PTX4: variants seen among roughly 807,000 people sequenced by gnomAD.
PTX4 encodes pentraxin-4.
In PTX4, 23 loss-of-function variants were observed where a neutral mutation model predicts 19.1. The ratio of observed to expected loss-of-function variants is 1.20; its 90% CI spans 0.87 to 1.70. The LOEUF is 1.70. PTX4 is among the 40% of genes most tolerant of loss of function. PTX4 has a pLI of 0.00. For missense variants in PTX4, 678 were observed against 610.5 expected (o/e 1.11, Z -1.17); for synonymous variants, 317 against 279.6 (o/e 1.13, Z -1.33).
intron 1 of PTX4, 122 bp from the exon 2 acceptor site, chr16:1,488,092 G>A: frequency 1.8e-6 from 2 of 1,114,192 alleles, no homozygotes; most frequent in Non-Finnish European, 2.6e-6. Context: ...GCCAGCACTG[G>A]CTATCTGCCC....
chr16:1,488,689 C>A, intron 1 of PTX4, 80 bp downstream of exon 1: 1 of 636,078 alleles, frequency 1.6e-6, no homozygotes. Flanking sequence ...TGATGTTTAC[C>A]AATCTGCTTC....
chr16:1,488,467 T>C (rs760037419), intron 1 of PTX4: 1 of 1,612,868 alleles, frequency 6.2e-7, no homozygotes, highest in South Asian at 1.1e-5. Context: ...CCACTCCCCA[T>C]GACACTACCC....
Position 1,486,356 on chromosome 16 carries a change from G to T in PTX4, c.1020C>A (p.Phe340Leu). Residue 340 changes from phenylalanine (F) to leucine (L), a missense_variant, in exon 3 of 3, where the codon TTC becomes TTA. By Grantham distance (22) the Phe-to-Leu change is conservative. Coordinates refer to ENST00000447419, the MANE Select transcript of PTX4 (RefSeq NM_001328608.2). Reference protein sequence around the residue: ...RDSLLPGSIHFVIGDPAFREL... With the variant: ...RDSLLPGSIHLVIGDPAFREL... ...CCCTGAAGGCCGGGTCCCCGATCAC[G>T]AAGTGGATGGATCCGGGCAGCAGGG... The T allele has an allele frequency of 1.2e-6, 2 of 1,613,940 alleles. No individual in the cohort carries two copies. The highest frequency in any genetic ancestry group is 1.7e-6 in the Non-Finnish European group (2 of 1,179,986).
In PTX4 at chr16:1,488,911, C is replaced by A; in HGVS notation, c.-2G>T. The stretch of plus-strand genomic sequence containing the variant: ...GGTCTTCCTCCACGAGCAACCCATC[C>A]GGAGAGACGGCAAGGCCCCAGCAGT... On this transcript the variant is annotated 5_prime_UTR_variant, in exon 1 of 3. Coordinates refer to ENST00000447419, the MANE Select transcript of PTX4 (RefSeq NM_001328608.2). The A allele has an allele frequency of 1.4e-6, 1 of 695,316 alleles. No homozygotes were observed. The highest frequency in any genetic ancestry group is 2.6e-6 in the Non-Finnish European group (1 of 379,192). 43.1% of individuals were successfully genotyped at this position (695,316 alleles called of 1,614,324 possible).
At chr16:1,487,218 C>T in intron 2 of PTX4, 98 bp downstream of exon 2, 6 of 1,239,168 alleles carry the variant, frequency 4.8e-6, no homozygotes, top group Non-Finnish European at 6.4e-6. Flanking sequence ...CTCCCGGCCC[C>T]TAACTGAACC....
chr16:1,488,089 C>A, intron 1 of PTX4, 119 bp from the exon 2 acceptor site: 1 of 1,128,028 alleles, frequency 8.9e-7, no homozygotes, highest in Non-Finnish European at 1.3e-6. Context: ...ACGGCCAGCA[C>A]TGGCTATCTG....
At chr16:1,487,053 C>T (rs1422110895) in intron 2 of PTX4, among the ~76,000 whole-genome samples, 1 of 152,190 alleles carries the variant, frequency 6.6e-6, no homozygotes, top group Non-Finnish European at 1.5e-5. Context: ...GAGGCGCCTG[C>T]ACCCTTCGGC....
chr16:1,486,800 G>A (rs902048639), intron 2 of PTX4, among the ~76,000 whole-genome samples: 5 of 152,194 alleles, frequency 3.3e-5, no homozygotes, highest in Non-Finnish European at 5.9e-5. Context: ...CATGAGGGCC[G>A]TACTCGGGAG....
At position 1,486,511 on chromosome 16, in the gene PTX4, C is replaced by T; in HGVS notation, c.865G>A (p.Gly289Ser). The T allele has an allele frequency of 6.2e-7, 1 of 1,602,834 alleles. No homozygotes were observed. Among genetic ancestry groups the T allele is most frequent in the Non-Finnish European group, 8.5e-7 (1 of 1,175,276 alleles). ...AGGGCTCGCAGGGCAGTGACGAAAC[C>T]AGGGCTGAGGAAGACCACGTTCCTG... ...STRNVVFLSP[G>S]FVTALRALSF... The change falls in exon 3 of 3, where the codon GGT becomes AGT. Residue 289 changes from glycine (G) to serine (S), a missense_variant. Transcript: ENST00000447419.
chr16:1,488,888 T>C lies in PTX4; in HGVS notation c.22A>G (p.Thr8Ala), dbSNP rs1567285168. Residue 8 changes from threonine to alanine, a missense_variant, in exon 1 of 3, where the codon ACC becomes GCC. By Grantham distance (58) the Thr-to-Ala change is moderately conservative (BLOSUM62 0). Coordinates refer to ENST00000447419, the MANE Select transcript of PTX4 (RefSeq NM_001328608.2). Reference protein sequence around the residue: MGCSWRKTLSFFLVFVPI... With the variant: MGCSWRKALSFFLVFVPI... ...ACAAAAACAAGGAAGAAAGACAAGG[T>C]CTTCCTCCACGAGCAACCCATCCGG... is the stretch of plus-strand genomic sequence containing the variant. The C allele has an allele frequency of 1.4e-6, 1 of 700,426 alleles. No homozygotes were observed. The highest frequency in any genetic ancestry group is 2.6e-6 in the Non-Finnish European group (1 of 382,994). The allele number at this position is 700,426 out of a possible 1,614,324, so 43.4% of individuals were successfully genotyped here. A position where few individuals can be genotyped will look rare whatever the true frequency, so the allele number is the denominator to read the frequency against.
rs967308053 is a variant in PTX4, at chr16:1,487,840, T to C, written c.272A>G (p.Asn91Ser). Residue 91 changes from asparagine to serine, a missense_variant, in exon 2 of 3, where the codon AAC (asparagine) becomes AGC (serine). Transcript: ENST00000447419. ...CCCCTGCACCGAGGCCTGTGACCGG[T>C]TGACTGCCTGAGCCACAGCCTGGCT... ...EESQAVAQAVNRSQASVQGEL... is the reference protein window; with the variant it reads ...EESQAVAQAVSRSQASVQGEL... 3.1e-6 allele frequency: 5 copies of C among 1,612,978 alleles called. No individual in the cohort carries two copies. Among genetic ancestry groups the C allele is most frequent in the Non-Finnish European group, 4.2e-6 (5 of 1,179,926 alleles).
chr16:1,487,624 C>A lies in PTX4; in HGVS notation c.488G>T (p.Ser163Ile). The A allele has an allele frequency of 6.3e-7, 1 of 1,576,188 alleles. No homozygotes were observed. Among genetic ancestry groups the A allele is most frequent in the South Asian group, 1.2e-5 (1 of 86,606 alleles). The change falls in exon 2 of 3, where the codon AGC becomes ATC. Residue 163 changes from serine to isoleucine, a missense_variant. Ser to Ile is a moderately radical substitution (Grantham distance 142). Transcript: ENST00000447419. ...SLARLEGLVH[S>I]QGARLAALEG... ...CAGAGCAGCCAGCCTGGCGCCCTGG[C>A]TGTGGACGAGGCCCTCCAGGCGTGC...
chr16:1,488,169 C>A (rs1173018514), intron 1 of PTX4, among the ~76,000 whole-genome samples, 199 bp from the exon 2 acceptor site: 3 of 152,230 alleles, frequency 2.0e-5, no homozygotes. Context: ...CCAGGCCATG[C>A]AGCTGCACCA....
chr16:1,488,362 C>T (rs1040499), intron 1 of PTX4: 2 of 1,613,452 alleles, frequency 1.2e-6, no homozygotes, highest in Admixed American at 3.3e-5. Flanking sequence ...CCCGACAGGC[C>T]CACAGCACTC....
chr16:1,487,531 G>T lies in PTX4; in HGVS notation c.581C>A (p.Thr194Asn). 6.6e-7 allele frequency: 1 copy of T among 1,517,062 alleles called. No individual in the cohort carries two copies. Among genetic ancestry groups the T allele is most frequent in the South Asian group, 1.3e-5 (1 of 75,868 alleles). 94.0% of individuals were successfully genotyped at this position (1,517,062 alleles called of 1,614,324 possible). ...GGTCGGGCCCAGCTCCTCAGGCTGG[G>T]TTGGGGTTGGGACCAGGGCCGGCCC... ...ALGPALVPTPTQPEELGPTSL... is the reference protein window; with the variant it reads ...ALGPALVPTPNQPEELGPTSL... Residue 194 changes from threonine (T) to asparagine (N), a missense_variant, in exon 2 of 3, where the codon ACC (threonine) becomes AAC (asparagine). Thr to Asn is a moderately conservative substitution (Grantham distance 65). Coordinates refer to ENST00000447419, the MANE Select transcript of PTX4 (RefSeq NM_001328608.2).
At position 1,487,436 on chromosome 16, in the gene PTX4, A is replaced by G; in HGVS notation, c.676T>C (p.Ser226Pro). The part of the protein sequence containing the change: ...ASEHRGPPQD[S>P]SAPLQGRREP... Reference sequence around the variant, plus strand: ...CGCCTCCCTTGGAGAGGGGCCGAGGAGTCCTGTGGGGGGCCCCTGTGCTCA... The same window carrying G: ...CGCCTCCCTTGGAGAGGGGCCGAGGGGTCCTGTGGGGGGCCCCTGTGCTCA... The change falls in exon 2 of 3, where the codon TCC becomes CCC. Residue 226 changes from serine (S) to proline (P), a missense_variant. Transcript: ENST00000447419. 1 of 1,516,218 alleles carries G rather than the reference A, an allele frequency of 6.6e-7. No homozygotes were observed. Among genetic ancestry groups the G allele is most frequent in the Non-Finnish European group, 8.8e-7 (1 of 1,135,064 alleles). 93.9% of individuals were successfully genotyped at this position (1,516,218 alleles called of 1,614,324 possible). A position where few individuals can be genotyped will look rare whatever the true frequency, so the allele number is the denominator to read the frequency against.
rs777476588 is a variant in PTX4, at chr16:1,486,428, G to A, written c.948C>T (p.Tyr316=). ...ASGRLGTLLS[Y]ATEDNDNKLV... ...GCTTGTTGTCATTGTCCTCGGTGGC[G>A]TAGGACAGGAGGGTGCCCAGGCGGC... Residue 316 remains tyrosine (Y), a synonymous_variant, in exon 3 of 3, where the codon TAC becomes TAT. Coordinates refer to ENST00000447419, the MANE Select transcript of PTX4 (RefSeq NM_001328608.2). 54 of 1,613,908 alleles carry A rather than the reference G, an allele frequency of 3.3e-5. No individual in the cohort carries two copies. Among genetic ancestry groups the A allele is most frequent in the South Asian group, 2.5e-4 (23 of 91,082 alleles).
Position 1,487,794 on chromosome 16 carries a change from G to A in PTX4, c.318C>T (p.Ala106=). 1 of 1,612,982 alleles carries A rather than the reference G, an allele frequency of 6.2e-7. No individual in the cohort carries two copies. The highest frequency in any genetic ancestry group is 1.1e-5 in the South Asian group (1 of 91,066). Residue 106 remains alanine (A), a synonymous_variant, in exon 2 of 3, where the codon GCC becomes GCT. Transcript: ENST00000447419. The part of the protein sequence containing the change: ...SVQGELAQLK[A]WVRKLQRRGR... ...CTCGGCGCTGCAGCTTCCTCACCCA[G>A]GCCTTGAGCTGCGCCAGCTCCCCCT... is the stretch of plus-strand genomic sequence containing the variant.
In PTX4 at chr16:1,487,665, G is replaced by A. The variant is rs756145901; in HGVS notation, c.447C>T (p.Ala149=). ...ERKAHKAQRD[A]LQDSLARLEG... ...CCAGGCGTGCCAGTGAGTCCTGCAG[G>A]GCGTCCCTCTGGGCCTTGTGTGCCT... The change falls in exon 2 of 3, where the codon GCC becomes GCT. Residue 149 remains alanine, a synonymous_variant. Coordinates refer to ENST00000447419, the MANE Select transcript of PTX4 (RefSeq NM_001328608.2). 4 of 1,601,584 alleles carry A rather than the reference G, an allele frequency of 2.5e-6. No homozygotes were observed. The highest frequency in any genetic ancestry group is 3.4e-6 in the Non-Finnish European group (4 of 1,172,052).
Sources: gnomAD v4.1 joint callset for allele counts (sites outside exome capture counted in the v4.1 genomes callset) on GRCh38, gnomAD v4.1.1 for gene constraint, MANE v1.5 for transcripts, NCBI Gene and HGNC (gene_info 2026-07-23, HGNC 2026-07-21) for gene names.